Variants in MAD1L1 observed in about 807,000 individuals in gnomAD.
MAD1L1 encodes the protein mitotic arrest deficient 1 like 1.
A neutral mutation model predicts 96.9 loss-of-function variants in MAD1L1; 95 were observed. The observed-to-expected ratio is 0.98, with a 90% confidence interval of 0.83 to 1.16. The LOEUF (loss-of-function observed/expected upper bound fraction) is 1.16, where lower values mean the gene tolerates loss of function less well. Among genes scored for constraint, MAD1L1 ranks in the 50% most tolerant of loss-of-function variants. MAD1L1 has a pLI of 0.00. For synonymous variants in MAD1L1, 473 were observed against 396.6 expected, an observed-to-expected ratio of 1.19 and a Z score of -2.29; for missense variants, 1,007 against 954.4, an observed-to-expected ratio of 1.06 and a Z score of -0.73.
intron 18 of MAD1L1, among the ~76,000 whole-genome samples, chr7:1,868,685 C>T (rs1473455296): frequency 6.6e-6 from 1 of 152,230 alleles, no homozygotes; most frequent in Non-Finnish European, 1.5e-5. Context: ...ACACGCACTG[C>T]GTGTTCACAG....
intron 18 of MAD1L1, chr7:1,829,381 G>A (rs1028690136): frequency 1.1e-4 from 17 of 152,288 alleles, no homozygotes; most frequent in South Asian, 2.1e-4. Flanking sequence ...CCCACACGGC[G>A]AGGAGCTGCC....
At chr7:1,910,794 C>G (rs1250677303) in intron 17 of MAD1L1, among the ~76,000 whole-genome samples, 2 of 152,214 alleles carry the variant, frequency 1.3e-5, no homozygotes, top group African/African-American at 4.8e-5. Flanking sequence ...CCGGGCCCCG[C>G]CCTGGGGAGC....
At chr7:1,989,418 G>A (rs896336577) in intron 14 of MAD1L1, among the ~76,000 whole-genome samples, 1 of 152,256 alleles carries the variant, frequency 6.6e-6, no homozygotes, top group African/African-American at 2.4e-5. Flanking sequence ...ATGTTTGACT[G>A]AGATGAAGCA....
chr7:2,177,836 G>A (rs1791016397), intron 10 of MAD1L1, among the ~76,000 whole-genome samples: 2 of 152,306 alleles, frequency 1.3e-5, no homozygotes, highest in South Asian at 4.1e-4. Context: ...CAACAAGAAG[G>A]GCAGTCTCAG....
intron 15 of MAD1L1, among the ~76,000 whole-genome samples, chr7:1,976,485 T>G (rs1562576557): frequency 6.6e-6 from 1 of 151,972 alleles, no homozygotes; most frequent in Non-Finnish European, 1.5e-5. Context: ...GCCTCAGGAG[T>G]GAAGCTGCAG....
intron 18 of MAD1L1, among the ~76,000 whole-genome samples, chr7:1,822,273 T>G (rs1400290142): frequency 1.3e-5 from 2 of 152,028 alleles, no homozygotes; most frequent in Admixed American, 6.6e-5. Flanking sequence ...AGTGTCTGTT[T>G]GCAGAAAGTT....
chr7:2,039,715 T>C lies in MAD1L1; in HGVS notation c.1219-25073A>G, dbSNP rs187315809. ...TAATTAGGTGTGTCTGTTTTGTTTTTCTATTACTGAGTTTTGAGAGTTTTC... is the reference window on the plus strand; with the variant it reads ...TAATTAGGTGTGTCTGTTTTGTTTTCCTATTACTGAGTTTTGAGAGTTTTC... On this transcript the variant is annotated intron_variant, in intron 12 of 18. Coordinates refer to ENST00000265854, the MANE Select transcript of MAD1L1 (RefSeq NM_001013836.2). Among the ~76,000 whole-genome samples, 619 of 152,354 alleles carry C rather than the reference T, an allele frequency of 4.1e-3. 6 individuals are homozygous for C. The highest frequency in any genetic ancestry group is 0.014 in the African/African-American group (586 of 41,580).
At chr7:1,910,522 G>A (rs1400780545) in intron 17 of MAD1L1, among the ~76,000 whole-genome samples, 1 of 152,242 alleles carries the variant, frequency 6.6e-6, no homozygotes, top group Non-Finnish European at 1.5e-5. Flanking sequence ...GCTGGGCACT[G>A]CCCTGGGGGC....
At chr7:1,842,443 G>C (rs1304858298) in intron 18 of MAD1L1, among the ~76,000 whole-genome samples, 1 of 152,230 alleles carries the variant, frequency 6.6e-6, no homozygotes, top group Non-Finnish European at 1.5e-5. Context: ...GATCCAAAGG[G>C]CAACTCTTGG....
intron 17 of MAD1L1, among the ~76,000 whole-genome samples, chr7:1,912,574 C>A (rs894179069): frequency 2.0e-5 from 3 of 152,290 alleles, no homozygotes; most frequent in Middle Eastern, 3.4e-3. Flanking sequence ...TCAGAGCCAC[C>A]GGGACCCTGT....
At chr7:2,000,200 G>A (rs987971496) in intron 14 of MAD1L1, among the ~76,000 whole-genome samples, 3 of 152,056 alleles carry the variant, frequency 2.0e-5, no homozygotes, top group Non-Finnish European at 4.4e-5. Context: ...TGCCGAAGCC[G>A]TCCTTGATTC....
intron 12 of MAD1L1, among the ~76,000 whole-genome samples, chr7:2,015,494 G>A (rs1018278040): frequency 3.9e-5 from 6 of 152,198 alleles, no homozygotes; most frequent in East Asian, 1.9e-4. Flanking sequence ...CAGACCCTGC[G>A]GGTGCCCATG....
At chr7:1,916,727 T>C (rs1223397537) in intron 17 of MAD1L1, among the ~76,000 whole-genome samples, 1 of 152,052 alleles carries the variant, frequency 6.6e-6, no homozygotes, top group African/African-American at 2.4e-5. Context: ...GTTGCCTCCC[T>C]GCAGCTCCCC....
chr7:2,143,686 C>T (rs1161146538), intron 11 of MAD1L1, among the ~76,000 whole-genome samples: 2 of 152,102 alleles, frequency 1.3e-5, no homozygotes, highest in Non-Finnish European at 2.9e-5. Context: ...AAGCACCACA[C>T]GGCCAGGTGC....
intron 11 of MAD1L1, among the ~76,000 whole-genome samples, chr7:2,074,903 G>A (rs974986200): frequency 1.5e-4 from 23 of 152,164 alleles, no homozygotes; most frequent in Admixed American, 1.4e-3. Context: ...TGTCAGAGCC[G>A]GGGACGCTTC....
intron 15 of MAD1L1, among the ~76,000 whole-genome samples, chr7:1,980,198 G>A (rs891899728): frequency 7.2e-5 from 11 of 152,102 alleles, no homozygotes; most frequent in Non-Finnish European, 1.5e-4. Flanking sequence ...CTCCCCGCTG[G>A]GGGACACGCC....
chr7:1,873,466 G>T (rs1785214943), intron 18 of MAD1L1, among the ~76,000 whole-genome samples: 1 of 151,998 alleles, frequency 6.6e-6, no homozygotes, highest in South Asian at 2.1e-4. Context: ...GGCAGGTGGG[G>T]AGCCCTGGTG....
intron 18 of MAD1L1, among the ~76,000 whole-genome samples, chr7:1,826,464 A>G (rs1782399411): frequency 6.6e-6 from 1 of 152,090 alleles, no homozygotes; most frequent in Non-Finnish European, 1.5e-5. Flanking sequence ...CAAGCCCTCC[A>G]GCTCCAGGCC....
chr7:1,911,489 G>C (rs1185944459), intron 17 of MAD1L1, among the ~76,000 whole-genome samples: 1 of 152,196 alleles, frequency 6.6e-6, no homozygotes, highest in East Asian at 1.9e-4. Flanking sequence ...GCCGCTACAA[G>C]TCCACAGTCC....
Sources: gnomAD v4.1 joint callset for allele counts (sites outside exome capture counted in the v4.1 genomes callset) on GRCh38, gnomAD v4.1.1 for gene constraint, MANE v1.5 for transcripts, NCBI Gene and HGNC (gene_info 2026-07-23, HGNC 2026-07-21) for gene names.